Variants in SECISBP2 observed in about 807,000 individuals in gnomAD.
SECISBP2 encodes the protein selenocysteine insertion sequence-binding protein 2.
SECISBP2 carries 96 observed loss-of-function variants against 98.2 expected under a neutral mutation model. The ratio of observed to expected loss-of-function variants is 0.98; its 90% CI spans 0.83 to 1.16. SECISBP2 has a LOEUF of 1.16. SECISBP2 is among the 50% of genes most tolerant of loss of function. The probability of loss-of-function intolerance (pLI) is 0.00; values close to 1 mark genes in which losing one functional copy is unlikely to be tolerated. For synonymous variants in SECISBP2, 407 were observed against 370.2 expected, an observed-to-expected ratio of 1.10 and a Z score of -1.14; for missense variants, 1,046 against 1,022.9, an observed-to-expected ratio of 1.02 and a Z score of -0.31.
intron 7 of SECISBP2, among the ~76,000 whole-genome samples, chr9:89,338,209 G>T (rs1001676501): frequency 6.6e-6 from 1 of 152,188 alleles, no homozygotes; most frequent in African/African-American, 2.4e-5. Context: ...CTGAAAACTA[G>T]GTTCTGTCCA....
Position 89,325,629 on chromosome 9 carries a change from A to AATGAG in SECISBP2, c.387_391dup (p.Asn131MetfsTer11), listed in dbSNP as rs1430068836. On this transcript the variant is annotated frameshift_variant, in exon 3 of 17. Transcript: ENST00000375807. LOFTEE classifies it high-confidence loss of function. Reference sequence around the variant, plus strand: ...AGGTTTTCAAACAGTGAAGCATCGAAATGAGAACACATGCCCTCTCCCACA... The same window carrying AATGAG: ...AGGTTTTCAAACAGTGAAGCATCGAAATGAGATGAGAACACATGCCCTCTCCCACA... 1 of 1,614,068 alleles carries AATGAG rather than the reference A, an allele frequency of 6.2e-7. No homozygotes were observed. Among genetic ancestry groups the AATGAG allele is most frequent in the African/African-American group, 1.3e-5 (1 of 74,936 alleles).
intron 2 of SECISBP2, chr9:89,323,389 C>G (rs1826139283): frequency 6.6e-6 from 1 of 152,312 alleles, no homozygotes; most frequent in South Asian, 2.1e-4. Context: ...GGAGACTGCA[C>G]TAGGGAAAGA....
At chr9:89,361,016 G>A (rs1832719955), downstream of SECISBP2, 1 of 152,216 alleles carries the variant, frequency 6.6e-6, no homozygotes, top group African/African-American at 2.4e-5. Context: ...TCATCAGTTT[G>A]TAGTGGTTGA....
intron 15 of SECISBP2, 85 bp from the exon 16 acceptor site, chr9:89,357,914 C>A (rs1265985840): frequency 2.1e-6 from 3 of 1,403,160 alleles, no homozygotes; most frequent in Admixed American, 3.7e-5. Flanking sequence ...CCCTGCTTCT[C>A]TGTGGAGGTG....
intron 14 of SECISBP2, among the ~76,000 whole-genome samples, chr9:89,351,786 G>A (rs1315134765): frequency 6.6e-6 from 1 of 152,180 alleles, no homozygotes; most frequent in Non-Finnish European, 1.5e-5. Flanking sequence ...TATGACAGAA[G>A]GGATCTCAGT....
At chr9:89,352,618 A>G (rs76089196) in intron 14 of SECISBP2, among the ~76,000 whole-genome samples, 3,096 of 152,062 alleles carry the variant, frequency 0.02, 45 homozygotes, top group Non-Finnish European at 0.029. Context: ...TTTGCTTTGA[A>G]TCCTCTTCTC....
intron 2 of SECISBP2, among the ~76,000 whole-genome samples, chr9:89,321,962 T>C (rs1825886234): frequency 6.6e-6 from 1 of 152,234 alleles, no homozygotes. Flanking sequence ...CTGAAACAAC[T>C]ATTTCCTCCT....
At chr9:89,333,440 G>A (rs997087708) in intron 6 of SECISBP2, among the ~76,000 whole-genome samples, 5 of 152,314 alleles carry the variant, frequency 3.3e-5, no homozygotes, top group Non-Finnish European at 7.4e-5. Context: ...TAGGAAAACC[G>A]TTTTTCAAAA....
chr9:89,363,867 C>G (rs757086246), downstream of SECISBP2: 7 of 1,614,126 alleles, frequency 4.3e-6, no homozygotes, highest in South Asian at 6.6e-5. Flanking sequence ...GCCCTGCCAT[C>G]GGGCAGTGCA....
intron 4 of SECISBP2, among the ~76,000 whole-genome samples, chr9:89,327,166 A>G (rs76872941): frequency 3.5e-5 from 5 of 142,856 alleles, no homozygotes; most frequent in South Asian, 2.1e-4. Context: ...TCCGTCTCCA[A>G]AAAAAAAAAA....
At chr9:89,338,013 A>G (rs1355806166) in intron 7 of SECISBP2, among the ~76,000 whole-genome samples, 1 of 152,236 alleles carries the variant, frequency 6.6e-6, no homozygotes, top group African/African-American at 2.4e-5. Flanking sequence ...ATGAGGTCAC[A>G]TTTAGCAGTC....
At chr9:89,340,797 T>C (rs1829539808) in intron 9 of SECISBP2, among the ~76,000 whole-genome samples, 2 of 152,318 alleles carry the variant, frequency 1.3e-5, no homozygotes, top group Non-Finnish European at 2.9e-5. Context: ...TGTACAACTT[T>C]TTATATAGTC....
chr9:89,328,190 A>G (rs1587871122), intron 4 of SECISBP2, among the ~76,000 whole-genome samples: 2 of 152,242 alleles, frequency 1.3e-5, no homozygotes, highest in South Asian at 4.1e-4. Flanking sequence ...TATTGTCATT[A>G]CCGAGTATTA....
intron 2 of SECISBP2, among the ~76,000 whole-genome samples, chr9:89,321,992 T>G (rs1348206612): frequency 1.3e-5 from 2 of 152,232 alleles, no homozygotes; most frequent in East Asian, 3.8e-4. Flanking sequence ...TTCAACTACA[T>G]AGCATCCTAA....
intron 7 of SECISBP2, among the ~76,000 whole-genome samples, chr9:89,335,478 G>C (rs1828509314): frequency 6.6e-6 from 1 of 151,912 alleles, no homozygotes; most frequent in African/African-American, 2.4e-5. Flanking sequence ...GATTACAGGT[G>C]CCTGCCACCA....
In SECISBP2 at chr9:89,325,450, T is replaced by C; in HGVS notation, c.206T>C (p.Met69Thr). The change falls in exon 3 of 17, where the codon ATG becomes ACG. Residue 69 changes from methionine to threonine, a missense_variant. Coordinates refer to ENST00000375807, the MANE Select transcript of SECISBP2 (RefSeq NM_024077.5). ...VTEQKIYTED[M>T]AFGASTFPPQ... is the part of the protein sequence containing the mutation. ...AGGCAGAAAATATATACTGAAGACA[T>C]GGCCTTTGGAGCTTCAACTTTTCCA... The C allele has an allele frequency of 4.3e-6, 7 of 1,614,012 alleles. No homozygotes were observed. Among genetic ancestry groups the C allele is most frequent in the Non-Finnish European group, 5.9e-6 (7 of 1,179,928 alleles).
downstream of SECISBP2, chr9:89,361,763 G>T (rs1479461396): frequency 6.5e-6 from 1 of 153,452 alleles, no homozygotes; most frequent in Non-Finnish European, 1.5e-5. Flanking sequence ...TGAGGTTAGT[G>T]AAGAAAACAC....
chr9:89,325,069 G>T, intron 2 of SECISBP2: 1 of 313,446 alleles, frequency 3.2e-6, no homozygotes. Context: ...GCAGGCTGTT[G>T]GGTCTCCCCG....
rs572855337 is a variant in SECISBP2, at chr9:89,334,713, A to T, written c.1072A>T (p.Ile358Phe). The change falls in exon 7 of 17, where the codon ATT becomes TTT. Residue 358 changes from isoleucine to phenylalanine, a missense_variant. Physicochemically the swap from Ile to Phe is conservative, Grantham distance 21. Coordinates refer to ENST00000375807, the MANE Select transcript of SECISBP2 (RefSeq NM_024077.5). ...DPSYNKEKHI[I>F]HPTQKSKASQ... ...TTCCTACAACAAAGAAAAACACATT[A>T]TTCATCCTACCCAAAAGGTACGTGT... The T allele has an allele frequency of 2.8e-4, 452 of 1,613,224 alleles. 4 individuals carry two copies. In the South Asian group the frequency reaches 4.7e-3, roughly 17 times the overall value.
Sources: gnomAD v4.1 joint callset for allele counts (sites outside exome capture counted in the v4.1 genomes callset) on GRCh38, gnomAD v4.1.1 for gene constraint, MANE v1.5 for transcripts, NCBI Gene and HGNC (gene_info 2026-07-23, HGNC 2026-07-21) for gene names.